The following SEMA3A variants were observed in gnomAD, a reference collection of about 807,000 sequenced individuals.
The protein encoded by SEMA3A is semaphorin-3A.
SEMA3A carries 29 observed loss-of-function variants against 97.9 expected under a neutral mutation model. The observed-to-expected ratio is 0.30, with a 90% CI of 0.22 to 0.40. The LOEUF (loss-of-function observed/expected upper bound fraction) is 0.40. SEMA3A is among the 10% of genes least tolerant of loss of function. The pLI, the probability that SEMA3A is intolerant of heterozygous loss-of-function variation, is 1.00. For synonymous variants in SEMA3A, 321 were observed against 323.7 expected (o/e 0.99, Z 0.09); for missense variants, 763 against 951.3 (o/e 0.80, Z 2.60).
chr7:84,073,369 G>A (rs1353944753), intron 4 of SEMA3A, among the ~76,000 whole-genome samples: 2 of 151,960 alleles, frequency 1.3e-5, no homozygotes, highest in Non-Finnish European at 2.9e-5. Context: ...ATTCTATCTA[G>A]AGAAAATAGC....
At chr7:83,976,890 A>C (rs997013634) in intron 15 of SEMA3A, among the ~76,000 whole-genome samples, 20 of 152,276 alleles carry the variant, frequency 1.3e-4, no homozygotes, top group Non-Finnish European at 2.1e-4. Context: ...GTTGAGCTTT[A>C]AACCTTGTAA....
At chr7:84,438,430 T>C (rs951474052) in intron 1 of SEMA3A, among the ~76,000 whole-genome samples, 1 of 152,078 alleles carries the variant, frequency 6.6e-6, no homozygotes, top group African/African-American at 2.4e-5. Context: ...AGAAGACCAA[T>C]ACAATAATTA....
intron 2 of SEMA3A, among the ~76,000 whole-genome samples, chr7:84,325,243 T>A (rs972438902): frequency 2.0e-5 from 3 of 152,044 alleles, no homozygotes; most frequent in Non-Finnish European, 4.4e-5. Flanking sequence ...ATACATGAAG[T>A]TCCTGCTCCT....
At chr7:84,043,570 T>C (rs1264110852) in intron 6 of SEMA3A, among the ~76,000 whole-genome samples, 2 of 152,254 alleles carry the variant, frequency 1.3e-5, no homozygotes, top group African/African-American at 2.4e-5. Flanking sequence ...TATGATTGTA[T>C]AGTCTATGCT....
At chr7:84,421,163 C>CA (rs1026535373) in intron 1 of SEMA3A, among the ~76,000 whole-genome samples, 8 of 151,820 alleles carry the variant, frequency 5.3e-5, no homozygotes, top group East Asian at 1.9e-4. Flanking sequence ...TCATCATTTA[C>CA]AAAAAAATCA....
chr7:83,981,561 A>G (rs942160612), intron 13 of SEMA3A, 83 bp from the exon 14 acceptor site: 5 of 1,155,306 alleles, frequency 4.3e-6, no homozygotes, highest in African/African-American at 1.6e-5. Flanking sequence ...TTATTTATAT[A>G]TAACTTCTCA....
chr7:84,318,317 GTTTT>G (rs71522699), intron 2 of SEMA3A, among the ~76,000 whole-genome samples: 1 of 97,826 alleles, frequency 1.0e-5, no homozygotes, highest in South Asian at 3.7e-4. Context: ...TGATTTCTTG[GTTTT>G]TTTTTTTTTT....
intron 2 of SEMA3A, among the ~76,000 whole-genome samples, chr7:84,369,204 C>A (rs1025138766): frequency 7.9e-5 from 12 of 151,052 alleles, no homozygotes; most frequent in Admixed American, 4.0e-4. Context: ...TTTGGGATGT[C>A]TGGAATCTTT....
intron 3 of SEMA3A, among the ~76,000 whole-genome samples, chr7:84,117,002 T>G (rs1398038132): frequency 1.3e-5 from 2 of 152,202 alleles, no homozygotes; most frequent in African/African-American, 4.8e-5. Context: ...ACATACATGG[T>G]AACAGAATTT....
At chr7:84,303,567 T>C (rs760484466) in intron 3 of SEMA3A, among the ~76,000 whole-genome samples, 1 of 151,620 alleles carries the variant, frequency 6.6e-6, no homozygotes, top group Non-Finnish European at 1.5e-5. Flanking sequence ...AAAAAAGGTA[T>C]TAGTTTGTTA....
intron 4 of SEMA3A, among the ~76,000 whole-genome samples, chr7:84,106,862 GTC>G: frequency 6.6e-6 from 1 of 152,234 alleles, no homozygotes; most frequent in Middle Eastern, 3.4e-3. Flanking sequence ...ATGTTTAAAT[GTC>G]CATGAAAGTC....
chr7:84,061,659 T>G (rs778084326), intron 4 of SEMA3A, among the ~76,000 whole-genome samples: 1 of 152,226 alleles, frequency 6.6e-6, no homozygotes, highest in Admixed American at 6.5e-5. Context: ...GGGATCATTT[T>G]GTTTAACATT....
At chr7:84,189,152 G>T (rs954853545) in intron 1 of SEMA3A, among the ~76,000 whole-genome samples, 8 of 151,790 alleles carry the variant, frequency 5.3e-5, no homozygotes, top group Non-Finnish European at 8.9e-5. Context: ...TACAACTGCT[G>T]GTCTTTTTAA....
At chr7:84,136,960 AGAAGGAAG>A (rs201748268) in intron 1 of SEMA3A, among the ~76,000 whole-genome samples, 26,083 of 140,772 alleles carry the variant, frequency 0.19, 2,504 homozygotes, top group South Asian at 0.27. Context: ...GAGGGAGGGA[AGAAGGAAG>A]GAAGGAAGGA....
At chr7:84,395,493 A>G (rs1406140180) in intron 1 of SEMA3A, among the ~76,000 whole-genome samples, 1 of 152,078 alleles carries the variant, frequency 6.6e-6, no homozygotes, top group Non-Finnish European at 1.5e-5. Context: ...TTGAATGAGG[A>G]TTGATATGGT....
chr7:84,347,353 G>A (rs1268800312), intron 2 of SEMA3A, among the ~76,000 whole-genome samples: 4 of 150,592 alleles, frequency 2.7e-5, no homozygotes, highest in Admixed American at 1.3e-4. Context: ...CATAAAATGA[G>A]GCACTACTTA....
At chr7:84,016,983 T>G (rs1412451475) in intron 6 of SEMA3A, among the ~76,000 whole-genome samples, 1 of 152,218 alleles carries the variant, frequency 6.6e-6, no homozygotes, top group Non-Finnish European at 1.5e-5. Flanking sequence ...TACAAACACT[T>G]GAATAACTTA....
chr7:84,253,377 A>G (rs548601619), intron 3 of SEMA3A, among the ~76,000 whole-genome samples: 1 of 151,650 alleles, frequency 6.6e-6, no homozygotes, highest in East Asian at 2.0e-4. Context: ...AAAAAAAAAA[A>G]TTGTGTTAAG....
At chr7:84,383,089 T>C (rs1384678398) in intron 1 of SEMA3A, among the ~76,000 whole-genome samples, 2 of 152,124 alleles carry the variant, frequency 1.3e-5, no homozygotes, top group African/African-American at 4.8e-5. Context: ...TCTAAAGTTT[T>C]AGCCTAAGAA....
Sources: gnomAD v4.1 joint callset for allele counts (sites outside exome capture counted in the v4.1 genomes callset) on GRCh38, gnomAD v4.1.1 for gene constraint, MANE v1.5 for transcripts, NCBI Gene and HGNC (gene_info 2026-07-23, HGNC 2026-07-21) for gene names.